The following NECAB2 variants were observed in gnomAD, a reference collection of about 807,000 sequenced individuals.
NECAB2 encodes N-terminal EF-hand calcium binding protein 2, also known as N-terminal EF-hand calcium-binding protein 2.
A neutral mutation model predicts 51.9 loss-of-function variants in NECAB2; 68 were observed. The observed-to-expected ratio is 1.31, with a 90% confidence interval of 1.08 to 1.60. NECAB2 has a LOEUF of 1.60. Among genes scored for constraint, NECAB2 ranks in the 40% most tolerant of loss-of-function variants. The pLI is 0.00. For synonymous variants in NECAB2, 329 were observed against 203.5 expected, an observed-to-expected ratio of 1.62 and a Z score of -5.25; for missense variants, 854 against 490.3, an observed-to-expected ratio of 1.74 and a Z score of -7.00.
At position 83,968,637 on chromosome 16, in the gene NECAB2, G is replaced by C; in HGVS notation, c.-12G>C. The C allele has an allele frequency of 1.0e-6, 1 of 979,488 alleles. No homozygotes were observed. The highest frequency in any genetic ancestry group is 4.5e-5 in the South Asian group (1 of 22,032). 60.7% of individuals were successfully genotyped at this position (979,488 alleles called of 1,614,324 possible). ...CGGCGGGCTTCCGGGCGGCGGCGGC[G>C]GGCGCGGCGCGATGTGCGAGCGGGC... On this transcript the variant is annotated 5_prime_UTR_variant, in exon 1 of 13. Transcript: ENST00000305202.
chr16:83,988,919 T>C (rs2084587994), intron 5 of NECAB2, among the ~76,000 whole-genome samples: 1 of 152,168 alleles, frequency 6.6e-6, no homozygotes, highest in Non-Finnish European at 1.5e-5. Context: ...CATGGGGGAA[T>C]GTAGGCTGCT....
Position 83,990,571 on chromosome 16 carries a change from G to A in NECAB2, c.537G>A (p.Ser179=), listed in dbSNP as rs184798656. 5.3e-5 allele frequency: 86 copies of A among 1,614,134 alleles called. No individual in the cohort carries two copies. Among genetic ancestry groups the A allele is most frequent in the Admixed American group, 4.8e-4 (29 of 60,026 alleles). ...AGGAGACGGCCAATCAGATCCAGTC[G>A]CTGCTGAGCTCAGTGGAGAGTGCGG... ...LLKETANQIQ[S]LLSSVESAVE... Residue 179 remains serine (S), a synonymous_variant, in exon 6 of 13, where the codon TCG becomes TCA. Coordinates refer to ENST00000305202, the MANE Select transcript of NECAB2 (RefSeq NM_019065.3).
At chr16:83,994,238 C>G in intron 6 of NECAB2, 64 bp from the exon 7 acceptor site, 1 of 1,427,794 alleles carries the variant, frequency 7.0e-7, no homozygotes, top group African/African-American at 1.4e-5. Flanking sequence ...GTGGAAGATG[C>G]TGGAAGTGGT....
chr16:83,969,030 C>G (rs2084320696), intron 1 of NECAB2, among the ~76,000 whole-genome samples, 181 bp downstream of exon 1: 1 of 151,436 alleles, frequency 6.6e-6, no homozygotes. Flanking sequence ...AGGCCGGTCT[C>G]CAGCCCAGTC....
chr16:83,976,032 G>C (rs1436394781), intron 2 of NECAB2, among the ~76,000 whole-genome samples: 3 of 152,126 alleles, frequency 2.0e-5, no homozygotes, highest in Non-Finnish European at 4.4e-5. Context: ...TGTGCCGAGG[G>C]GGCACCTTGC....
intron 8 of NECAB2, among the ~76,000 whole-genome samples, chr16:83,996,721 G>T (rs1038166275): frequency 6.6e-6 from 1 of 152,146 alleles, no homozygotes; most frequent in African/African-American, 2.4e-5. Context: ...CCCTGTGTGG[G>T]CACCAGTCGT....
chr16:83,998,291 G>A lies in NECAB2; in HGVS notation c.936G>A (p.Gly312=), dbSNP rs762356810. The A allele has an allele frequency of 2.5e-6, 4 of 1,613,508 alleles. No homozygotes were observed. Among genetic ancestry groups the A allele is most frequent in the South Asian group, 1.1e-5 (1 of 91,066 alleles). The part of the protein sequence containing the change: ...FLDSLRQYLR[G]TTGVRNCFHI... ...ACTCTCTGCGCCAGTATCTGCGGGG[G>A]ACCACTGGCGTGAGGAACTGCTTCC... The change falls in exon 10 of 13, where the codon GGG becomes GGA. Residue 312 remains glycine, a synonymous_variant. Coordinates refer to ENST00000305202, the MANE Select transcript of NECAB2 (RefSeq NM_019065.3).
chr16:83,997,454 G>C (rs1370559117), intron 9 of NECAB2, among the ~76,000 whole-genome samples, 185 bp downstream of exon 9: 1 of 150,566 alleles, frequency 6.6e-6, no homozygotes, highest in Non-Finnish European at 1.5e-5. Flanking sequence ...CCAACTCCGG[G>C]GGTATTTCTT....
At chr16:83,968,960 G>A (rs2084319778) in intron 1 of NECAB2, 111 bp downstream of exon 1, 1 of 632,258 alleles carries the variant, frequency 1.6e-6, no homozygotes, top group Non-Finnish European at 2.0e-6. Context: ...TCCCTACCCG[G>A]GCAGGAGACC....
intron 7 of NECAB2, 26 bp downstream of exon 7, chr16:83,994,446 G>C (rs1232934990): frequency 1.2e-6 from 2 of 1,611,880 alleles, no homozygotes; most frequent in East Asian, 4.5e-5. Context: ...GGCCCTGGTG[G>C]GGGTACCAGC....
At chr16:83,992,441 C>G (rs1341410242) in intron 6 of NECAB2, among the ~76,000 whole-genome samples, 3 of 147,718 alleles carry the variant, frequency 2.0e-5, no homozygotes, top group African/African-American at 7.7e-5. Context: ...CAGTTCTTCC[C>G]AGAACAGCTG....
At chr16:83,999,597 G>A (rs73248857) in intron 10 of NECAB2, among the ~76,000 whole-genome samples, 19 of 152,124 alleles carry the variant, frequency 1.2e-4, no homozygotes, top group East Asian at 9.7e-4. Context: ...TTTGGCCCCC[G>A]CTTTATGGTC....
At chr16:83,967,379 G>A (rs2084292588), upstream of NECAB2, among the ~76,000 whole-genome samples, 2 of 137,172 alleles carry the variant, frequency 1.5e-5, no homozygotes, top group African/African-American at 2.7e-5. Flanking sequence ...GGATGGATGG[G>A]AGGATGGGTG....
chr16:83,965,254 C>T (rs769570515), upstream of NECAB2: 2 of 1,611,312 alleles, frequency 1.2e-6, no homozygotes, highest in South Asian at 2.2e-5. Flanking sequence ...GCTTCCTGAC[C>T]AGGAACCAGG....
chr16:84,002,238 G>C (rs922640308), intron 12 of NECAB2, 80 bp from the exon 13 acceptor site: 4 of 1,536,188 alleles, frequency 2.6e-6, no homozygotes, highest in African/African-American at 2.8e-5. Flanking sequence ...CCCCCGACCT[G>C]TCATTCAAGA....
chr16:84,001,499 G>T (rs4997523), intron 11 of NECAB2, among the ~76,000 whole-genome samples: 27,131 of 152,012 alleles, frequency 0.18, 4,585 homozygotes, highest in African/African-American at 0.45. Context: ...AAAAGCCTTC[G>T]CAGCTTCTGT....
intron 1 of NECAB2, chr16:83,971,918 G>C (rs1336783340): frequency 1.7e-6 from 1 of 605,556 alleles, no homozygotes; most frequent in Non-Finnish European, 2.9e-6. Flanking sequence ...GAGCAGGCTG[G>C]TGGTACTGGC....
At chr16:84,000,417 A>G (rs916299830) in intron 10 of NECAB2, among the ~76,000 whole-genome samples, 5 of 152,136 alleles carry the variant, frequency 3.3e-5, no homozygotes, top group African/African-American at 9.7e-5. Flanking sequence ...AGTCCCCGCT[A>G]CTTGGAAGGC....
chr16:83,986,230 T>G (rs2084552783), intron 5 of NECAB2, among the ~76,000 whole-genome samples: 1 of 152,206 alleles, frequency 6.6e-6, no homozygotes, highest in Non-Finnish European at 1.5e-5. Context: ...TTGGCCAGGC[T>G]GGTCTTGAAC....
Sources: allele counts gnomAD v4.1 joint callset (sites outside exome capture counted in the v4.1 genomes callset), GRCh38; gene constraint gnomAD v4.1.1; transcripts MANE v1.5; gene names NCBI Gene and HGNC (gene_info 2026-07-23, HGNC 2026-07-21).